The following GALNT18 variants were observed in gnomAD, a reference collection of about 807,000 sequenced individuals.
The protein encoded by GALNT18 is GalNAc-transferase 18.
GALNT18 carries 44 observed loss-of-function variants against 69.5 expected under a neutral mutation model. That is an observed-to-expected ratio of 0.63 (90% CI 0.50 to 0.81). The LOEUF (loss-of-function observed/expected upper bound fraction) is 0.81, where lower values mean the gene tolerates loss of function less well. Ranked by LOEUF, GALNT18 falls within the 40% of genes least tolerant of loss-of-function variation. GALNT18 has a pLI of 0.00. For missense variants in GALNT18, 715 were observed against 810.0 expected (o/e 0.88, Z 1.42); for synonymous variants, 364 against 318.2 (o/e 1.14, Z -1.53).
At chr11:11,560,198 GA>G (rs1858470535) in intron 1 of GALNT18, among the ~76,000 whole-genome samples, 3 of 3,708 alleles carry the variant, frequency 8.1e-4, no homozygotes, top group Admixed American at 3.0e-3. Flanking sequence ...TGGGATGGGT[GA>G]GATAGAATAG....
rs1158025737 is a variant in GALNT18 at position 11,617,610 on chromosome 11, A to C, written c.235+3749T>G. 2.0e-5 allele frequency among the ~76,000 whole-genome samples: 3 copies of C among 152,236 alleles called. No homozygotes were observed. Among genetic ancestry groups the C allele is most frequent in the African/African-American group, 7.2e-5 (3 of 41,468 alleles). On this transcript the variant is annotated intron_variant, in intron 1 of 10. Coordinates refer to ENST00000227756, the MANE Select transcript of GALNT18 (RefSeq NM_198516.3). The surrounding 1 kb of genome is among the most constrained non-coding windows in gnomAD (Gnocchi z 4.7). ...CCAGAAGGAAATGCTCAAAATGCAAACTGATTTTTAGGGTAGAATGAATTA... is the reference window on the plus strand; with the variant it reads ...CCAGAAGGAAATGCTCAAAATGCAACCTGATTTTTAGGGTAGAATGAATTA...
intron 1 of GALNT18, among the ~76,000 whole-genome samples, chr11:11,472,360 C>G (rs1175978514): frequency 6.6e-6 from 1 of 152,204 alleles, no homozygotes; most frequent in Non-Finnish European, 1.5e-5. Context: ...TCCTCACTCT[C>G]TCACTGACTT....
In GALNT18 at chr11:11,372,765, G is replaced by A. The variant is rs1850942222; in HGVS notation, c.978-136C>T. The A allele has an allele frequency of 1.5e-5, 11 of 728,448 alleles. No homozygotes were observed. The highest frequency in any genetic ancestry group is 2.6e-5 in the Non-Finnish European group (11 of 427,484). 45.1% of individuals were successfully genotyped at this position (728,448 alleles called of 1,614,324 possible). A position where few individuals can be genotyped will look rare whatever the true frequency, so the allele number is the denominator to read the frequency against. ...AGAGCCAGTGTGAGCCTTGTTCTTG[G>A]AGTGGCCCCTGGGTCTGGCCTCACC... On this transcript the variant is annotated intron_variant, in intron 5 of 10. Transcript: ENST00000227756. The surrounding 1 kb of genome is among the most constrained non-coding windows in gnomAD (Gnocchi z 4.9).
In GALNT18 at chr11:11,332,757, C is replaced by T. The variant is rs1333892978; in HGVS notation, c.1353G>A (p.Arg451=). The T allele has an allele frequency of 6.2e-7, 1 of 1,614,108 alleles. No individual in the cohort carries two copies. Among genetic ancestry groups the T allele is most frequent in the Non-Finnish European group, 8.5e-7 (1 of 1,179,986 alleles). Residue 451 remains arginine, a synonymous_variant, in exon 8 of 11, where the codon CGG becomes CGA. Coordinates refer to ENST00000227756, the MANE Select transcript of GALNT18 (RefSeq NM_198516.3). The surrounding 1 kb of genome is among the most constrained non-coding windows in gnomAD (Gnocchi z 4.3). ...CTGGGTACACGCTGACCAGGTACCA[C>T]CGGAAGGTCTTGCACTGCAGCTGTT... The part of the protein sequence containing the change: ...LRKQLQCKTF[R]WYLVSVYPEM...
chr11:11,467,409 T>C (rs1393246831), intron 1 of GALNT18, among the ~76,000 whole-genome samples: 1 of 152,220 alleles, frequency 6.6e-6, no homozygotes, highest in Non-Finnish European at 1.5e-5. Context: ...AGAGAGGTGA[T>C]ATGGCAGAGG....
chr11:11,420,291 T>A (rs1329078425), intron 3 of GALNT18, among the ~76,000 whole-genome samples: 1 of 152,036 alleles, frequency 6.6e-6, no homozygotes, highest in Non-Finnish European at 1.5e-5. Flanking sequence ...CCTAGTGCTG[T>A]CTCTAGCACC....
chr11:11,409,039 T>C (rs1021176552), intron 3 of GALNT18, among the ~76,000 whole-genome samples: 2 of 152,192 alleles, frequency 1.3e-5, no homozygotes, highest in Non-Finnish European at 2.9e-5. Flanking sequence ...GGTGTCACGA[T>C]GTATTTTTCA....
chr11:11,388,678 CGCTGGTCTAACGCCCAGG>C (rs1166189161), intron 3 of GALNT18, among the ~76,000 whole-genome samples: 51 of 152,262 alleles, frequency 3.3e-4, no homozygotes, highest in African/African-American at 1.2e-3. Flanking sequence ...TCAGCCCCAG[CGCTGGTCTAACGCCCAGG>C]GCTGGTCTAA....
At position 11,616,386 on chromosome 11, in the gene GALNT18, G is replaced by GA. The variant is rs1157630284; in HGVS notation, c.235+4972dup. 2.0e-5 allele frequency among the ~76,000 whole-genome samples: 3 copies of GA among 152,146 alleles called. No individual in the cohort carries two copies. The highest frequency in any genetic ancestry group is 4.1e-4 in the South Asian group (2 of 4,826). On this transcript the variant is annotated intron_variant, in intron 1 of 10. Coordinates refer to ENST00000227756, the MANE Select transcript of GALNT18 (RefSeq NM_198516.3). This position sits in a 1 kb window ranked among gnomAD's most constrained non-coding sequence, Gnocchi z 4.4. Reference sequence around the variant, plus strand: ...GGCTGTAAAGAAAGCCTTTCCTTCTGAAAAAACAATCTTTCATAAAAATGT... The same window carrying GA: ...GGCTGTAAAGAAAGCCTTTCCTTCTGAAAAAAACAATCTTTCATAAAAATGT...
In GALNT18 at chr11:11,327,132, G is replaced by C. The variant is rs115791155; in HGVS notation, c.1466C>G (p.Thr489Arg). Residue 489 changes from threonine to arginine, a missense_variant, in exon 9 of 11, where the codon ACA becomes AGA. Coordinates refer to ENST00000227756, the MANE Select transcript of GALNT18 (RefSeq NM_198516.3). ...GATGTACATGATGGGGACATTCTCT[G>C]TATCTGGCCCCTGGTCAAGACACAA... ...TDLCLDQGPD[T>R]ENVPIMYICH... 1.2e-6 allele frequency: 2 copies of C among 1,614,064 alleles called. No homozygotes were observed. The highest frequency in any genetic ancestry group is 1.7e-6 in the Non-Finnish European group (2 of 1,179,920).
At position 11,278,395 on chromosome 11, in the gene GALNT18, A is replaced by T. The variant is rs577403923; in HGVS notation, c.1678-7105T>A. ...GGGGGGCTGGGGGAGGGATAGCGTT[A>T]GGAGAAATACCTAATGTAGATGATG... On this transcript the variant is annotated intron_variant, in intron 10 of 10. Transcript: ENST00000227756. Among the ~76,000 whole-genome samples, 708 of 151,848 alleles carry T rather than the reference A, an allele frequency of 4.7e-3. 8 individuals carry two copies. Among genetic ancestry groups the T allele is most frequent in the African/African-American group, 0.016 (659 of 41,408 alleles).
chr11:11,445,642 G>A (rs1855630729), intron 2 of GALNT18, among the ~76,000 whole-genome samples: 3 of 152,186 alleles, frequency 2.0e-5, no homozygotes, highest in South Asian at 2.1e-4. Context: ...AGAGCTAGAC[G>A]GAGCCTTCCA....
At chr11:11,449,983 G>T (rs1248299684) in intron 1 of GALNT18, among the ~76,000 whole-genome samples, 1 of 152,250 alleles carries the variant, frequency 6.6e-6, no homozygotes, top group African/African-American at 2.4e-5. Flanking sequence ...ATCTTGCCAG[G>T]ACATGGGCTG....
Position 11,444,506 on chromosome 11 carries a change from G to A in GALNT18, c.428+4238C>T, listed in dbSNP as rs1007533858. Among the ~76,000 whole-genome samples the A allele has an allele frequency of 1.1e-4, 16 of 152,146 alleles. No homozygotes were observed. The highest frequency in any genetic ancestry group is 3.9e-4 in the African/African-American group (16 of 41,438). On this transcript the variant is annotated intron_variant, in intron 2 of 10. Coordinates refer to ENST00000227756, the MANE Select transcript of GALNT18 (RefSeq NM_198516.3). This position sits in a 1 kb window ranked among gnomAD's most constrained non-coding sequence, Gnocchi z 4.4. ...ATGAGTGCTCAGTAAATGTTGGCTG[G>A]ATAAAAAAATAAACGAGGCCTAGCA...
chr11:11,556,738 T>C (rs1273800814), intron 1 of GALNT18, among the ~76,000 whole-genome samples: 1 of 152,198 alleles, frequency 6.6e-6, no homozygotes, highest in African/African-American at 2.4e-5. Flanking sequence ...TACACTACCA[T>C]TATCTTTAGC....
At chr11:11,284,463 C>T (rs1300190362) in intron 10 of GALNT18, among the ~76,000 whole-genome samples, 1 of 152,118 alleles carries the variant, frequency 6.6e-6, no homozygotes, top group Non-Finnish European at 1.5e-5. Context: ...TGGGACCACA[C>T]TTTGAGACCA....
At chr11:11,438,004 G>A (rs541558147) in intron 2 of GALNT18, among the ~76,000 whole-genome samples, 4 of 152,230 alleles carry the variant, frequency 2.6e-5, no homozygotes, top group South Asian at 2.1e-4. Context: ...CTCCTCTCTC[G>A]GCTGTAGTCA....
intron 2 of GALNT18, among the ~76,000 whole-genome samples, chr11:11,445,160 T>A (rs1855621498): frequency 6.6e-6 from 1 of 152,256 alleles, no homozygotes. Flanking sequence ...CACAAATAGA[T>A]GCCTCAAGGC....
chr11:11,469,986 G>A lies in GALNT18; in HGVS notation c.236-21050C>T, dbSNP rs1048583948. Among the ~76,000 whole-genome samples the A allele has an allele frequency of 5.3e-5, 8 of 152,156 alleles. No homozygotes were observed. Among genetic ancestry groups the A allele is most frequent in the African/African-American group, 1.7e-4 (7 of 41,426 alleles). ...GAGGATTTTGTTCTTTGAATGAATT[G>A]AAGTCCTGTTTGCTTGCCTTTGTAA... On this transcript the variant is annotated intron_variant, in intron 1 of 10. Transcript: ENST00000227756. The surrounding 1 kb of genome is among the most constrained non-coding windows in gnomAD (Gnocchi z 4.2).
Sources: allele counts gnomAD v4.1 joint callset (sites outside exome capture counted in the v4.1 genomes callset), GRCh38; gene constraint gnomAD v4.1.1; non-coding constraint Gnocchi (gnomAD v3.1); transcripts MANE v1.5; gene names NCBI Gene and HGNC (gene_info 2026-07-23, HGNC 2026-07-21).